Variants in SETBP1 observed in about 807,000 individuals in gnomAD.
SETBP1 encodes the protein SET binding protein 1.
A neutral mutation model predicts 101.0 loss-of-function variants in SETBP1; 9 were observed. That is an observed-to-expected ratio of 0.09 (90% CI 0.05 to 0.16). The LOEUF is 0.16. Ranked by LOEUF, SETBP1 falls within the 10% of genes least tolerant of loss-of-function variation. The pLI, the probability that SETBP1 is intolerant of heterozygous loss-of-function variation, is 1.00. For missense variants in SETBP1, 1,858 were observed against 2,033.8 expected, an observed-to-expected ratio of 0.91 and a Z score of 1.66; for synonymous variants, 818 against 788.5, an observed-to-expected ratio of 1.04 and a Z score of -0.63.
At chr18:44,856,992 C>A (rs977189012) in intron 2 of SETBP1, among the ~76,000 whole-genome samples, 4 of 152,178 alleles carry the variant, frequency 2.6e-5, no homozygotes, top group Non-Finnish European at 4.4e-5. Flanking sequence ...TCTGGAATTT[C>A]TCTTTATCAA....
chr18:44,879,279 A>T (rs775137223), intron 3 of SETBP1, among the ~76,000 whole-genome samples: 2 of 152,182 alleles, frequency 1.3e-5, no homozygotes, highest in African/African-American at 2.4e-5. Flanking sequence ...TGATTTTGGA[A>T]CCAAACTGAT....
In SETBP1 at chr18:44,701,377, C is replaced by T. The variant is rs776221622; in HGVS notation, c.31C>T (p.Arg11Trp). 9.1e-6 allele frequency: 14 copies of T among 1,533,376 alleles called. No homozygotes were observed. The highest frequency in any genetic ancestry group is 1.7e-4 in the Middle Eastern group (1 of 5,878). 95.0% of individuals were successfully genotyped at this position (1,533,376 alleles called of 1,614,324 possible). The change falls in exon 2 of 6, where the codon CGG (arginine) becomes TGG (tryptophan). Residue 11 changes from arginine (R) to tryptophan (W), a missense_variant. Coordinates refer to ENST00000649279, the MANE Select transcript of SETBP1 (RefSeq NM_015559.3). ...GTCCAGGGAAACCTTAAGCAGCTCC[C>T]GGCAAAGAGGGGGCGAGTCAGACTT... Reference protein sequence around the residue: MESRETLSSSRQRGGESDFLP... With the variant: MESRETLSSSWQRGGESDFLP...
At chr18:44,880,445 T>C (rs1013646542) in intron 3 of SETBP1, among the ~76,000 whole-genome samples, 7 of 152,210 alleles carry the variant, frequency 4.6e-5, no homozygotes, top group African/African-American at 1.7e-4. Flanking sequence ...GCCTTTGATA[T>C]GTGTAGGAAC....
At chr18:44,985,033 C>T (rs756470345) in intron 4 of SETBP1, among the ~76,000 whole-genome samples, 5 of 152,028 alleles carry the variant, frequency 3.3e-5, no homozygotes, top group East Asian at 3.9e-4. Context: ...CCCAGCTACT[C>T]GGGAGGCTGA....
At chr18:44,782,774 G>A (rs539390363) in intron 2 of SETBP1, among the ~76,000 whole-genome samples, 16 of 152,186 alleles carry the variant, frequency 1.1e-4, no homozygotes, top group Non-Finnish European at 1.5e-4. Context: ...GCTTGTATTC[G>A]CGGTGGGCAT....
chr18:44,737,095 GAA>G (rs1394692124), intron 2 of SETBP1, among the ~76,000 whole-genome samples: 1 of 152,226 alleles, frequency 6.6e-6, no homozygotes, highest in Non-Finnish European at 1.5e-5. Context: ...CTCAGGATGA[GAA>G]AGAGAGGCAA....
Position 44,949,954 on chromosome 18 carries a change from C to T in SETBP1, c.614C>T (p.Thr205Ile). 6.2e-7 allele frequency: 1 copy of T among 1,614,118 alleles called. No homozygotes were observed. The highest frequency in any genetic ancestry group is 8.5e-7 in the Non-Finnish European group (1 of 1,180,024). ...TGLPQDFTGD[T>I]LKPKHQQKSS... ...CTCCCACAGGACTTCACCGGTGACA[C>T]CTTAAAACCAAAGCACCAGCAAAAA... Residue 205 changes from threonine to isoleucine, a missense_variant, in exon 4 of 6, where the codon ACC becomes ATC. Around this residue, in one of 12 missense-constraint regions of SETBP1, gnomAD observed 581 missense variants for 535.1 expected, o/e 1.09. Coordinates refer to ENST00000649279, the MANE Select transcript of SETBP1 (RefSeq NM_015559.3).
intron 4 of SETBP1, among the ~76,000 whole-genome samples, chr18:45,028,820 T>G (rs1402164133): frequency 6.6e-6 from 1 of 152,252 alleles, no homozygotes; most frequent in Non-Finnish European, 1.5e-5. Flanking sequence ...TTTTGAGAAG[T>G]GTCTGTTCAT....
chr18:45,063,554 A>G lies in SETBP1; in HGVS notation c.4647A>G (p.Arg1549=). The G allele has an allele frequency of 9.0e-7, 1 of 1,108,826 alleles. No homozygotes were observed. The highest frequency in any genetic ancestry group is 1.2e-6 in the Non-Finnish European group (1 of 844,994). 68.7% of individuals were successfully genotyped at this position (1,108,826 alleles called of 1,614,324 possible). ...PPPPPLPKTP[R]GGKRKHKPQA... The stretch of plus-strand genomic sequence containing the variant: ...CACCCCCTCTACCCAAGACCCCCCG[A>G]GGCGGAAAGAGGAAACACAAACCGC... The change falls in exon 6 of 6, where the codon CGA becomes CGG. Residue 1549 remains arginine, a synonymous_variant. Coordinates refer to ENST00000649279, the MANE Select transcript of SETBP1 (RefSeq NM_015559.3).
chr18:44,851,968 G>A (rs1427458138), intron 2 of SETBP1, among the ~76,000 whole-genome samples: 1 of 152,318 alleles, frequency 6.6e-6, no homozygotes, highest in Non-Finnish European at 1.5e-5. Flanking sequence ...CAGGCTCACG[G>A]CCTTCCACGC....
At chr18:44,871,410 T>C (rs568910186) in intron 3 of SETBP1, 1 of 152,144 alleles carries the variant, frequency 6.6e-6, no homozygotes, top group African/African-American at 2.4e-5. Context: ...CATGGGTGTG[T>C]TCCCCTCCAA....
intron 2 of SETBP1, among the ~76,000 whole-genome samples, chr18:44,757,303 TTA>T (rs2070519331): frequency 6.6e-6 from 1 of 152,214 alleles, no homozygotes; most frequent in Non-Finnish European, 1.5e-5. Context: ...TTAAATACAC[TTA>T]GTCTCCATTA....
chr18:44,957,491 G>C (rs1270136240), intron 4 of SETBP1, among the ~76,000 whole-genome samples: 1 of 152,114 alleles, frequency 6.6e-6, no homozygotes, highest in East Asian at 1.9e-4. Flanking sequence ...CTGTCCTCAT[G>C]ATGAGTGGAT....
At chr18:45,019,671 C>G (rs2073017244) in intron 4 of SETBP1, among the ~76,000 whole-genome samples, 1 of 152,098 alleles carries the variant, frequency 6.6e-6, no homozygotes, top group African/African-American at 2.4e-5. Context: ...CACATTCAGT[C>G]AGAATTGGTA....
At position 44,680,981 on chromosome 18, in the gene SETBP1, A is replaced by G. The variant is rs1345143662; in HGVS notation, c.-213A>G. 2 of 152,266 alleles carry G rather than the reference A, an allele frequency of 1.3e-5. No homozygotes were observed. Among genetic ancestry groups the G allele is most frequent in the African/African-American group, 4.8e-5 (2 of 41,432 alleles). The allele number at this position is 152,266 out of a possible 1,614,324, so 9.4% of individuals were successfully genotyped here. A position where few individuals can be genotyped will look rare whatever the true frequency, so the allele number is the denominator to read the frequency against. The stretch of plus-strand genomic sequence containing the variant: ...TGTATCAGAATCTAACGTGTCGTTA[A>G]TAGAAAGAAGAACAGGCAAGAAGTG... On this transcript the variant is annotated 5_prime_UTR_variant, in exon 1 of 6. The change abolishes the stop of an existing upstream ORF in the 5' untranslated region. Coordinates refer to ENST00000649279, the MANE Select transcript of SETBP1 (RefSeq NM_015559.3).
At chr18:44,852,825 A>C (rs374387931) in intron 2 of SETBP1, among the ~76,000 whole-genome samples, 1 of 152,002 alleles carries the variant, frequency 6.6e-6, no homozygotes, top group Non-Finnish European at 1.5e-5. Flanking sequence ...GAGTGTCCTG[A>C]GTGTATCTAA....
At chr18:44,801,147 G>T (rs1367854910) in intron 2 of SETBP1, among the ~76,000 whole-genome samples, 1 of 152,116 alleles carries the variant, frequency 6.6e-6, no homozygotes, top group Non-Finnish European at 1.5e-5. Flanking sequence ...AGGAGGAGCG[G>T]GGAGGGATAG....
At chr18:44,693,927 G>A (rs2068974502) in intron 1 of SETBP1, among the ~76,000 whole-genome samples, 1 of 152,156 alleles carries the variant, frequency 6.6e-6, no homozygotes, top group Non-Finnish European at 1.5e-5. Flanking sequence ...AGACAAATGG[G>A]CAAGAGTGGG....
chr18:44,724,630 T>C (rs913547199), intron 2 of SETBP1, among the ~76,000 whole-genome samples: 37 of 151,266 alleles, frequency 2.4e-4, no homozygotes, highest in Admixed American at 1.1e-3. Flanking sequence ...CATAGTAGCC[T>C]GTGACACCAG....
Sources: allele counts gnomAD v4.1 joint callset (sites outside exome capture counted in the v4.1 genomes callset), GRCh38; gene constraint gnomAD v4.1.1; regional missense constraint gnomAD v4.1.1; transcripts MANE v1.5; gene names NCBI Gene and HGNC (gene_info 2026-07-23, HGNC 2026-07-21).